Variants in NEK11 observed in about 807,000 individuals in gnomAD.
NEK11 encodes the protein NIMA related kinase 11, also known as serine/threonine-protein kinase Nek11.
In NEK11, 72 loss-of-function variants were observed where a neutral mutation model predicts 80.7. That is an observed-to-expected ratio of 0.89 (90% CI 0.74 to 1.08). The LOEUF (loss-of-function observed/expected upper bound fraction) is 1.08. Among genes scored for constraint, NEK11 ranks in the 50% least tolerant of loss-of-function variants. The probability of loss-of-function intolerance (pLI) is 0.00; values close to 1 mark genes in which losing one functional copy is unlikely to be tolerated. For synonymous variants in NEK11, 251 were observed against 260.7 expected (o/e 0.96, Z 0.36); for missense variants, 764 against 763.6 (o/e 1.00, Z -0.01).
chr3:131,067,736 A>G (rs975040906), intron 3 of NEK11, among the ~76,000 whole-genome samples: 4 of 152,224 alleles, frequency 2.6e-5, no homozygotes, highest in African/African-American at 9.6e-5. Context: ...GAGGCTGAGT[A>G]TAAATACATT....
chr3:131,095,298 T>C (rs561665462), intron 4 of NEK11, among the ~76,000 whole-genome samples: 5 of 152,092 alleles, frequency 3.3e-5, no homozygotes, highest in Non-Finnish European at 7.4e-5. Context: ...CTAATCTAAT[T>C]GTGTGAACCT....
At chr3:131,310,952 G>A (rs889822412) in intron 17 of NEK11, among the ~76,000 whole-genome samples, 1 of 152,110 alleles carries the variant, frequency 6.6e-6, no homozygotes, top group Admixed American at 6.5e-5. Context: ...CCTAAGCCAT[G>A]GTTAGGAGAG....
At chr3:131,265,612 T>C (rs969313130) in intron 16 of NEK11, among the ~76,000 whole-genome samples, 3 of 152,218 alleles carry the variant, frequency 2.0e-5, no homozygotes, top group African/African-American at 7.2e-5. Flanking sequence ...CTGGATTCAG[T>C]TTGCCAGTAT....
At chr3:131,261,030 C>A (rs1276973084) in intron 16 of NEK11, among the ~76,000 whole-genome samples, 1 of 152,024 alleles carries the variant, frequency 6.6e-6, no homozygotes, top group African/African-American at 2.4e-5. Context: ...TGATCAAGGT[C>A]ATTTGTCCAG....
intron 3 of NEK11, among the ~76,000 whole-genome samples, chr3:131,064,564 G>C (rs1430099185): frequency 6.6e-6 from 1 of 152,094 alleles, no homozygotes; most frequent in Non-Finnish European, 1.5e-5. Context: ...TGGGGGTTGA[G>C]ACCAACATAT....
At chr3:131,126,330 C>G (rs929582410) in intron 5 of NEK11, among the ~76,000 whole-genome samples, 1 of 152,100 alleles carries the variant, frequency 6.6e-6, no homozygotes, top group African/African-American at 2.4e-5. Context: ...TTTTTTCCTC[C>G]CCAAAACAAA....
At chr3:131,087,600 T>A (rs576469750) in intron 4 of NEK11, among the ~76,000 whole-genome samples, 1 of 152,212 alleles carries the variant, frequency 6.6e-6, no homozygotes, top group Non-Finnish European at 1.5e-5. Context: ...CTTTCCGAAC[T>A]GATTGTACTA....
At chr3:131,339,685 T>G (rs1342123665) in intron 17 of NEK11, among the ~76,000 whole-genome samples, 1 of 152,186 alleles carries the variant, frequency 6.6e-6, no homozygotes, top group African/African-American at 2.4e-5. Flanking sequence ...TTCCCTTCCC[T>G]AAGAGGAGTC....
At chr3:131,054,828 A>G (rs1438402632) in intron 3 of NEK11, among the ~76,000 whole-genome samples, 1 of 152,136 alleles carries the variant, frequency 6.6e-6, no homozygotes, top group Non-Finnish European at 1.5e-5. Flanking sequence ...GAATTGCTGA[A>G]GATGGCTAAG....
At chr3:131,247,951 T>A (rs2095632682) in intron 16 of NEK11, among the ~76,000 whole-genome samples, 1 of 152,074 alleles carries the variant, frequency 6.6e-6, no homozygotes, top group African/African-American at 2.4e-5. Flanking sequence ...TTATTTTGTA[T>A]CCTGAAATTT....
In NEK11 at chr3:131,170,678, C is replaced by A. The variant is rs1487117397; in HGVS notation, c.1285-95C>A. 67 of 817,232 alleles carry A rather than the reference C, an allele frequency of 8.2e-5. No individual in the cohort carries two copies. In the East Asian group the frequency reaches 1.6e-3, roughly 20 times the overall value. The allele number at this position is 817,232 out of a possible 1,614,324, so 50.6% of individuals were successfully genotyped here. A position where few individuals can be genotyped will look rare whatever the true frequency, so the allele number is the denominator to read the frequency against. On this transcript the variant is annotated intron_variant, in intron 13 of 17. Coordinates refer to ENST00000383366, the MANE Select transcript of NEK11 (RefSeq NM_024800.5). ...GGGAGAGGATTAGGTAGGCTTGTTT[C>A]CAAGTAGTCTTCTAAATAAGAATAT...
At chr3:131,332,191 G>A (rs983079571) in intron 17 of NEK11, among the ~76,000 whole-genome samples, 4 of 152,214 alleles carry the variant, frequency 2.6e-5, no homozygotes, top group African/African-American at 7.2e-5. Flanking sequence ...CCTGACCCCT[G>A]AGCAACCTAA....
At chr3:131,194,167 G>A (rs191290548) in intron 14 of NEK11, among the ~76,000 whole-genome samples, 3 of 152,302 alleles carry the variant, frequency 2.0e-5, no homozygotes. Context: ...CAAATTGCAA[G>A]TATAGTTTTA....
intron 14 of NEK11, among the ~76,000 whole-genome samples, chr3:131,209,367 G>A (rs574062393): frequency 1.1e-4 from 17 of 152,304 alleles, no homozygotes; most frequent in African/African-American, 3.8e-4. Context: ...TGTGCTGCTG[G>A]ATTTGGTTTG....
intron 14 of NEK11, among the ~76,000 whole-genome samples, chr3:131,183,037 TTTTA>T (rs2093435206): frequency 6.6e-6 from 1 of 152,224 alleles, no homozygotes; most frequent in South Asian, 2.1e-4. Context: ...TTTAGCCTCC[TTTTA>T]TTTGTGAGAT....
chr3:131,178,321 A>C (rs2093153921), intron 14 of NEK11, among the ~76,000 whole-genome samples: 1 of 152,244 alleles, frequency 6.6e-6, no homozygotes, highest in South Asian at 2.1e-4. Flanking sequence ...ACAGTAAATT[A>C]ACCTCAGCTT....
At chr3:131,210,931 T>A (rs2150519284) in intron 14 of NEK11, among the ~76,000 whole-genome samples, 1 of 152,350 alleles carries the variant, frequency 6.6e-6, no homozygotes, top group East Asian at 1.9e-4. Context: ...TTATCCAATT[T>A]GCCAGTCTGT....
chr3:131,152,330 G>A, intron 7 of NEK11, 58 bp from the exon 8 acceptor site: 1 of 1,492,220 alleles, frequency 6.7e-7, no homozygotes, highest in South Asian at 1.4e-5. Flanking sequence ...TTTGTATGAT[G>A]AAAAAATTTA....
At chr3:131,221,159 G>T (rs1425671509) in intron 14 of NEK11, among the ~76,000 whole-genome samples, 1 of 152,148 alleles carries the variant, frequency 6.6e-6, no homozygotes, top group African/African-American at 2.4e-5. Flanking sequence ...GAAGTTTTGG[G>T]TGTCTGCTTT....
Sources: allele counts gnomAD v4.1 joint callset (sites outside exome capture counted in the v4.1 genomes callset), GRCh38; gene constraint gnomAD v4.1.1; transcripts MANE v1.5; gene names NCBI Gene and HGNC (gene_info 2026-07-23, HGNC 2026-07-21).